Variants in ATRNL1 observed in about 807,000 individuals in gnomAD.
The protein encoded by ATRNL1 is attractin like 1.
Under a neutral mutation model 182.7 loss-of-function variants are expected in ATRNL1, and 95 were observed. The observed-to-expected ratio is 0.52, with a 90% CI of 0.44 to 0.62. The LOEUF is 0.62. Ranked by LOEUF, ATRNL1 falls within the 20% of genes least tolerant of loss-of-function variation. The pLI, the probability that ATRNL1 is intolerant of heterozygous loss-of-function variation, is 0.00. For synonymous variants in ATRNL1, 576 were observed against 568.3 expected (o/e 1.01, Z -0.19); for missense variants, 1,471 against 1,679.5 (o/e 0.88, Z 2.17).
intron 26 of ATRNL1, among the ~76,000 whole-genome samples, chr10:115,685,965 A>G (rs1323116055): frequency 6.6e-6 from 1 of 151,752 alleles, no homozygotes; most frequent in African/African-American, 2.4e-5. Flanking sequence ...AATATGGAAT[A>G]TTATTTCTAA....
intron 21 of ATRNL1, among the ~76,000 whole-genome samples, chr10:115,439,886 T>C (rs565670399): frequency 5.5e-4 from 83 of 152,030 alleles, no homozygotes; most frequent in African/African-American, 1.9e-3. Context: ...ATTATTCTTA[T>C]ATGAAAGAAT....
intron 27 of ATRNL1, among the ~76,000 whole-genome samples, chr10:115,751,236 A>G (rs1370402419): frequency 6.6e-6 from 1 of 152,022 alleles, no homozygotes; most frequent in Non-Finnish European, 1.5e-5. Context: ...AACCTCTACA[A>G]GCTGGAAAAG....
chr10:115,660,422 A>T (rs921601058), intron 26 of ATRNL1, among the ~76,000 whole-genome samples: 1 of 152,144 alleles, frequency 6.6e-6, no homozygotes, highest in Non-Finnish European at 1.5e-5. Context: ...TAGTAATTAT[A>T]TAGATAAGTG....
intron 26 of ATRNL1, among the ~76,000 whole-genome samples, chr10:115,694,844 A>G (rs1054201295): frequency 6.6e-6 from 1 of 151,274 alleles, no homozygotes; most frequent in African/African-American, 2.4e-5. Context: ...GATGGTAGAA[A>G]TGCAATTTCA....
At chr10:115,895,253 A>G (rs1464081224) in intron 28 of ATRNL1, among the ~76,000 whole-genome samples, 1 of 152,232 alleles carries the variant, frequency 6.6e-6, no homozygotes, top group East Asian at 1.9e-4. Context: ...ACACAGTCCA[A>G]GGTGGTCGTG....
chr10:115,199,949 T>C (rs1351022014), intron 8 of ATRNL1, among the ~76,000 whole-genome samples: 3 of 152,156 alleles, frequency 2.0e-5, no homozygotes, highest in African/African-American at 7.2e-5. Flanking sequence ...TAATTTCCTC[T>C]GAATCAGATT....
intron 8 of ATRNL1, among the ~76,000 whole-genome samples, chr10:115,186,841 A>C (rs1456153196): frequency 6.6e-6 from 1 of 152,122 alleles, no homozygotes; most frequent in African/African-American, 2.4e-5. Context: ...GAATTGGATT[A>C]TTTGTGTCAA....
intron 27 of ATRNL1, among the ~76,000 whole-genome samples, chr10:115,753,571 A>G (rs1183304371): frequency 1.3e-5 from 2 of 152,132 alleles, no homozygotes; most frequent in East Asian, 3.8e-4. Flanking sequence ...TATCCAGTCT[A>G]TCACTGATGA....
chr10:115,174,704 T>C (rs1847427991), intron 8 of ATRNL1, among the ~76,000 whole-genome samples: 1 of 152,002 alleles, frequency 6.6e-6, no homozygotes, highest in African/African-American at 2.4e-5. Flanking sequence ...CAAATGGGCA[T>C]GGTTGTGTTC....
At chr10:115,273,059 C>G (rs1159319931) in intron 13 of ATRNL1, among the ~76,000 whole-genome samples, 4 of 152,144 alleles carry the variant, frequency 2.6e-5, no homozygotes, top group Non-Finnish European at 4.4e-5. Flanking sequence ...ATCAACCTTC[C>G]TCCAGGTAGC....
At chr10:115,733,182 G>A (rs1860402) in intron 27 of ATRNL1, among the ~76,000 whole-genome samples, 42,639 of 151,898 alleles carry the variant, frequency 0.28, 7,447 homozygotes, top group African/African-American at 0.49. Context: ...TTTAAAGACA[G>A]TTGTTTACAG....
chr10:115,791,246 A>T (rs1949525394), intron 27 of ATRNL1, among the ~76,000 whole-genome samples: 2 of 152,150 alleles, frequency 1.3e-5, no homozygotes, highest in Non-Finnish European at 2.9e-5. Context: ...TCATGCCAAC[A>T]TACTTCTAAC....
chr10:115,529,015 T>C (rs1274546491), intron 25 of ATRNL1, among the ~76,000 whole-genome samples: 1 of 152,132 alleles, frequency 6.6e-6, no homozygotes, highest in Non-Finnish European at 1.5e-5. Flanking sequence ...TACCGAGATA[T>C]AATTTGTTAC....
intron 21 of ATRNL1, among the ~76,000 whole-genome samples, chr10:115,434,826 T>C (rs945320266): frequency 6.6e-6 from 1 of 152,104 alleles, no homozygotes; most frequent in Non-Finnish European, 1.5e-5. Context: ...TTAATAGATA[T>C]CCAAACAAAC....
intron 5 of ATRNL1, among the ~76,000 whole-genome samples, chr10:115,152,780 C>T (rs1252010167): frequency 6.6e-6 from 1 of 152,134 alleles, no homozygotes; most frequent in Non-Finnish European, 1.5e-5. Context: ...AGAGGGCATC[C>T]CTGTCTTGTG....
intron 27 of ATRNL1, among the ~76,000 whole-genome samples, chr10:115,741,836 G>T (rs1359739632): frequency 2.6e-5 from 4 of 152,300 alleles, no homozygotes; most frequent in African/African-American, 9.6e-5. Context: ...TGAGAAAAGA[G>T]AATTGAAGGT....
intron 26 of ATRNL1, among the ~76,000 whole-genome samples, chr10:115,561,692 T>TGTGTGG (rs1488148495): frequency 1.1e-4 from 5 of 45,726 alleles, no homozygotes; most frequent in African/African-American, 1.7e-4. Context: ...TGTGTGTGGG[T>TGTGTGG]GTGTGTGTGT....
At chr10:115,559,986 C>A (rs1435396165) in intron 26 of ATRNL1, among the ~76,000 whole-genome samples, 1 of 152,098 alleles carries the variant, frequency 6.6e-6, no homozygotes, top group Non-Finnish European at 1.5e-5. Context: ...AAATAAAATT[C>A]TTTAGAAATC....
At chr10:115,099,531 T>G (rs1302411897) in intron 1 of ATRNL1, among the ~76,000 whole-genome samples, 1 of 152,228 alleles carries the variant, frequency 6.6e-6, no homozygotes, top group Non-Finnish European at 1.5e-5. Flanking sequence ...AAAGTAGTTG[T>G]ATCATTTATG....
Sources: gnomAD v4.1 joint callset for allele counts (sites outside exome capture counted in the v4.1 genomes callset) on GRCh38, gnomAD v4.1.1 for gene constraint, MANE v1.5 for transcripts, NCBI Gene and HGNC (gene_info 2026-07-23, HGNC 2026-07-21) for gene names.